D2HGDH: variants seen among roughly 807,000 people sequenced by gnomAD.
D2HGDH encodes D-2-hydroxyglutarate dehydrogenase, also known as D-2-hydroxyglutarate dehydrogenase, mitochondrial.
D2HGDH carries 31 observed loss-of-function variants against 46.9 expected under a neutral mutation model. The observed-to-expected ratio is 0.66, with a 90% CI of 0.50 to 0.89. The LOEUF is 0.89. D2HGDH is among the 40% of genes least tolerant of loss of function. D2HGDH has a pLI of 0.00. For missense variants in D2HGDH, 698 were observed against 720.8 expected (o/e 0.97, Z 0.36); for synonymous variants, 364 against 332.6 (o/e 1.09, Z -1.03).
At chr2:241,751,755 C>G (rs1697243944) in intron 8 of D2HGDH, among the ~76,000 whole-genome samples, 1 of 152,134 alleles carries the variant, frequency 6.6e-6, no homozygotes. Context: ...GCCCCTGGGG[C>G]TGTGGAGGCT....
chr2:241,756,752 C>T (rs1202848254), intron 9 of D2HGDH, among the ~76,000 whole-genome samples: 2 of 152,308 alleles, frequency 1.3e-5, no homozygotes, highest in Non-Finnish European at 2.9e-5. Flanking sequence ...GAACTCCTGA[C>T]CTCTGGTGAT....
chr2:241,750,206 G>T lies in D2HGDH; in HGVS notation c.909G>T (p.Leu303=). ...LQTFSTCKGM[L]GEILSAFEFM... The stretch of plus-strand genomic sequence containing the variant: ...CCTTCAGCACCTGCAAGGGGATGCT[G>T]GGTGAGATCCTGTCTGCATTCGAGT... Residue 303 remains leucine (L), a synonymous_variant, in exon 7 of 10, where the codon CTG becomes CTT. Transcript: ENST00000321264. 1 of 1,614,156 alleles carries T rather than the reference G, an allele frequency of 6.2e-7. No individual in the cohort carries two copies. Among genetic ancestry groups the T allele is most frequent in the Non-Finnish European group, 8.5e-7 (1 of 1,180,036 alleles).
chr2:241,745,383 T>C (rs1299283259), intron 6 of D2HGDH, among the ~76,000 whole-genome samples: 1 of 152,210 alleles, frequency 6.6e-6, no homozygotes, highest in African/African-American at 2.4e-5. Context: ...GGGACCTGCC[T>C]GCGGCTCCTT....
At chr2:241,758,954 A>C (rs1198938676) in intron 9 of D2HGDH, among the ~76,000 whole-genome samples, 1 of 152,152 alleles carries the variant, frequency 6.6e-6, no homozygotes, top group Non-Finnish European at 1.5e-5. Context: ...TGCTGCTTGC[A>C]TTATCATTCC....
At chr2:241,755,483 C>T (rs766832342) in intron 8 of D2HGDH, 43 of 1,328,040 alleles carry the variant, frequency 3.2e-5, no homozygotes, top group African/African-American at 2.2e-4. Flanking sequence ...TGCAGGTGGG[C>T]GCCTCCCCCT....
intron 6 of D2HGDH, among the ~76,000 whole-genome samples, chr2:241,747,120 T>C (rs1010059098): frequency 2.6e-5 from 4 of 152,088 alleles, no homozygotes; most frequent in Non-Finnish European, 5.9e-5. Context: ...AAAAATTTTG[T>C]ATGTAGAAAC....
chr2:241,746,287 G>A lies in D2HGDH; in HGVS notation c.853+1410G>A, dbSNP rs188881496. Reference sequence around the variant, plus strand: ...TCTTCTCATCTGTCTTCCAGTTCACGAATGCCCTCTTCTGCTGTGTTTTAT... The same window carrying A: ...TCTTCTCATCTGTCTTCCAGTTCACAAATGCCCTCTTCTGCTGTGTTTTAT... On this transcript the variant is annotated intron_variant, in intron 6 of 9. Transcript: ENST00000321264. Among the ~76,000 whole-genome samples, 406 of 152,154 alleles carry A rather than the reference G, an allele frequency of 2.7e-3. 3 individuals are homozygous for A. Among genetic ancestry groups the A allele is most frequent in the Non-Finnish European group, 4.1e-3 (276 of 68,014 alleles).
At chr2:241,758,767 A>ATGTGTGTGTGTGTGTGTGTGTGTGTGTG (rs768590214) in intron 9 of D2HGDH, among the ~76,000 whole-genome samples, 1 of 106,140 alleles carries the variant, frequency 9.4e-6, no homozygotes, top group African/African-American at 3.0e-5. Flanking sequence ...GCCCCACAAT[A>ATGTGTGTGTGTGTGTGTGTGTGTGTGTG]TATGTGTGTG....
intron 6 of D2HGDH, 101 bp from the exon 7 acceptor site, chr2:241,750,050 C>A (rs1696864373): frequency 3.8e-6 from 6 of 1,577,234 alleles, no homozygotes; most frequent in African/African-American, 1.3e-5. Context: ...GCCCAGCTCA[C>A]CCACCCACAT....
At chr2:241,744,974 C>CCCA in intron 6 of D2HGDH, 97 bp downstream of exon 6, 2 of 1,523,434 alleles carry the variant, frequency 1.3e-6, no homozygotes, top group Middle Eastern at 3.5e-4. Context: ...ATGGAGGGAC[C>CCCA]CCCCGCCAAG....
intron 9 of D2HGDH, among the ~76,000 whole-genome samples, chr2:241,764,426 G>C (rs1007847586): frequency 7.9e-5 from 12 of 152,248 alleles, no homozygotes; most frequent in African/African-American, 2.9e-4. Flanking sequence ...AGCTGGCTGT[G>C]AATTCAGGCC....
rs1694724175 is a variant in D2HGDH at position 241,742,407 on chromosome 2, C to T, written c.351-28C>T. ...GGTGGCGTAGGGGTGGGGACAGAGC[C>T]CCAACGTCCCTCCTGTCCTCATCCC... is the stretch of plus-strand genomic sequence containing the variant. On this transcript the variant is annotated intron_variant, in intron 3 of 9. Transcript: ENST00000321264. The surrounding 1 kb of genome is among the most constrained non-coding windows in gnomAD (Gnocchi z 4.8). 1 of 1,588,268 alleles carries T rather than the reference C, an allele frequency of 6.3e-7. No homozygotes were observed. Among genetic ancestry groups the T allele is most frequent in the Non-Finnish European group, 8.6e-7 (1 of 1,166,398 alleles).
chr2:241,745,792 T>G (rs1406077794), intron 6 of D2HGDH, among the ~76,000 whole-genome samples: 1 of 152,178 alleles, frequency 6.6e-6, no homozygotes, highest in Non-Finnish European at 1.5e-5. Flanking sequence ...AAAATACCTT[T>G]ATTTCATCCT....
chr2:241,743,672 G>A lies in D2HGDH; in HGVS notation c.541G>A (p.Val181Met), dbSNP rs1245947082. ...GCVLEELSRYVEERDFIMPLD... is the reference protein window; with the variant it reads ...GCVLEELSRYMEERDFIMPLD... ...CGTCCTGGAGGAGCTGAGCCGGTAT[G>A]TGGAGGAACGGGACTTCATCATGCC... is the stretch of plus-strand genomic sequence containing the variant. Residue 181 changes from valine to methionine, a missense_variant, in exon 5 of 10, where the codon GTG becomes ATG. By Grantham distance (21) the Val-to-Met change is conservative (BLOSUM62 1). Transcript: ENST00000321264. This position sits in a 1 kb window ranked among gnomAD's most constrained non-coding sequence, Gnocchi z 4.8. 2 of 1,613,940 alleles carry A rather than the reference G, an allele frequency of 1.2e-6. No homozygotes were observed. The highest frequency in any genetic ancestry group is 1.1e-5 in the South Asian group (1 of 91,056).
intron 6 of D2HGDH, among the ~76,000 whole-genome samples, chr2:241,746,020 G>GGT (rs1003680185): frequency 5.3e-5 from 8 of 151,980 alleles, no homozygotes; most frequent in Non-Finnish European, 1.2e-4. Flanking sequence ...TTCAGTGTGT[G>GGT]GTGTGTGTGT....
chr2:241,760,932 CTGTT>C lies in D2HGDH; in HGVS notation c.1306+4924_1306+4927del, dbSNP rs576885262. Among the ~76,000 whole-genome samples the C allele has an allele frequency of 1.2e-4, 18 of 152,346 alleles. 1 individual carries two copies. In the South Asian group the frequency reaches 1.9e-3, roughly 16 times the overall value. ...AGTGTGTCTCTCCATCTTTCTCTCT[CTGTT>C]TGTTTCTCTAAATATGTATAATCTC... On this transcript the variant is annotated intron_variant, in intron 9 of 9. Transcript: ENST00000321264.
At position 241,742,422 on chromosome 2, in the gene D2HGDH, G is replaced by T. The variant is rs755456654; in HGVS notation, c.351-13G>T. 1 of 1,604,960 alleles carries T rather than the reference G, an allele frequency of 6.2e-7. No individual in the cohort carries two copies. The highest frequency in any genetic ancestry group is 1.1e-5 in the South Asian group (1 of 89,880). On this transcript the variant is annotated splice_polypyrimidine_tract_variant and intron_variant, in intron 3 of 9. Coordinates refer to ENST00000321264, the MANE Select transcript of D2HGDH (RefSeq NM_152783.5). This position sits in a 1 kb window ranked among gnomAD's most constrained non-coding sequence, Gnocchi z 4.8. ...GGGACAGAGCCCCAACGTCCCTCCT[G>T]TCCTCATCCCAGGCACTGCCACGAG...
At position 241,755,229 on chromosome 2, in the gene D2HGDH, T is replaced by C. The variant is rs1697971771; in HGVS notation, c.1141-620T>C. ...CCTCCACGGCCCGCCCACCGTGTCC[T>C]TCCCTCCCCCGTGGCCCACCCACCA... is the stretch of plus-strand genomic sequence containing the variant. On this transcript the variant is annotated intron_variant, in intron 8 of 9. Coordinates refer to ENST00000321264, the MANE Select transcript of D2HGDH (RefSeq NM_152783.5). 1.4e-5 allele frequency: 15 copies of C among 1,088,688 alleles called. No homozygotes were observed. The South Asian group carries it at 1.6e-4, about 12-fold the overall frequency. The allele number at this position is 1,088,688 out of a possible 1,614,324, so 67.4% of individuals were successfully genotyped here. A position where few individuals can be genotyped will look rare whatever the true frequency, so the allele number is the denominator to read the frequency against.
rs1461019105 is a variant in D2HGDH, at chr2:241,743,021, G to A, written c.490+447G>A. On this transcript the variant is annotated intron_variant, in intron 4 of 9. Coordinates refer to ENST00000321264, the MANE Select transcript of D2HGDH (RefSeq NM_152783.5). The surrounding 1 kb of genome is among the most constrained non-coding windows in gnomAD (Gnocchi z 4.8). ...GCATGAGGGGATCCTGACCCAGGGC[G>A]CCAGGGCGTGGCAGGCGTGAGGGGA... Among the ~76,000 whole-genome samples the A allele has an allele frequency of 3.7e-5, 4 of 106,886 alleles. No homozygotes were observed. Among genetic ancestry groups the A allele is most frequent in the Non-Finnish European group, 7.2e-5 (4 of 55,898 alleles). 70.1% of individuals were successfully genotyped at this position (106,886 alleles called of 152,430 possible). A position where few individuals can be genotyped will look rare whatever the true frequency, so the allele number is the denominator to read the frequency against.
Sources: allele counts gnomAD v4.1 joint callset (sites outside exome capture counted in the v4.1 genomes callset), GRCh38; gene constraint gnomAD v4.1.1; non-coding constraint Gnocchi (gnomAD v3.1); transcripts MANE v1.5; gene names NCBI Gene and HGNC (gene_info 2026-07-23, HGNC 2026-07-21).